CA3: variants seen among roughly 807,000 people sequenced by gnomAD.
CA3 encodes carbonic anhydrase 3, also known as CA-III.
A neutral mutation model predicts 35.7 loss-of-function variants in CA3; 30 were observed. That is an observed-to-expected ratio of 0.84 (90% CI 0.63 to 1.14). CA3 has a LOEUF of 1.14. Ranked by LOEUF, CA3 falls within the 50% of genes most tolerant of loss-of-function variation. The probability of loss-of-function intolerance (pLI) is 0.00; values close to 1 mark genes in which losing one functional copy is unlikely to be tolerated. For missense variants in CA3, 295 were observed against 328.5 expected, an observed-to-expected ratio of 0.90 and a Z score of 0.79; for synonymous variants, 131 against 130.8, an observed-to-expected ratio of 1.00 and a Z score of -0.01.
At chr8:85,446,977 A>C (rs1355748896) in intron 6 of CA3, among the ~76,000 whole-genome samples, 1 of 152,124 alleles carries the variant, frequency 6.6e-6, no homozygotes, top group Non-Finnish European at 1.5e-5. Flanking sequence ...CAACACAGGG[A>C]CTCACAACCT....
intron 6 of CA3, 134 bp downstream of exon 6, chr8:85,446,431 C>A: frequency 9.6e-7 from 1 of 1,039,030 alleles, no homozygotes; most frequent in South Asian, 2.0e-5. Context: ...CATGGTCTGC[C>A]CTGGTTAATT....
At chr8:85,439,955 C>CACATTTTGTCA in intron 2 of CA3, 46 bp downstream of exon 2, 1 of 1,467,454 alleles carries the variant, frequency 6.8e-7, no homozygotes, top group Non-Finnish European at 9.4e-7. Flanking sequence ...TTTCAAGGTC[C>CACATTTTGTCA]ATATTGACAA....
At chr8:85,447,538 T>TATTTAGCTATTTA (rs1285423857) in intron 6 of CA3, among the ~76,000 whole-genome samples, 2 of 152,244 alleles carry the variant, frequency 1.3e-5, no homozygotes, top group Non-Finnish European at 2.9e-5. Flanking sequence ...ACTCTAGAGC[T>TATTTAGCTATTTA]GCTAGCTAAA....
intron 6 of CA3, among the ~76,000 whole-genome samples, chr8:85,446,890 G>A (rs1322324350): frequency 1.3e-5 from 2 of 152,138 alleles, no homozygotes; most frequent in Non-Finnish European, 2.9e-5. Context: ...ATTCATTAAA[G>A]ACACTATCAA....
chr8:85,442,224 T>TCA (rs769864576), intron 3 of CA3, 33 bp downstream of exon 3: 2 of 1,136,552 alleles, frequency 1.8e-6, no homozygotes, highest in Non-Finnish European at 2.7e-6. Context: ...ATTCTCGGTC[T>TCA]CATACAGTGA....
At chr8:85,445,090 C>A in intron 4 of CA3, 66 bp from the exon 5 acceptor site, 1 of 1,059,138 alleles carries the variant, frequency 9.4e-7, no homozygotes, top group Non-Finnish European at 1.4e-6. Flanking sequence ...TCAAAATCAG[C>A]TTTGAAGACA....
chr8:85,439,634 T>G (rs569373535), intron 1 of CA3, 78 bp from the exon 2 acceptor site: 6 of 978,200 alleles, frequency 6.1e-6, no homozygotes, highest in Non-Finnish European at 9.4e-6. Flanking sequence ...CTCTCTGTAT[T>G]TTGCTGGTTT....
chr8:85,442,712 C>G (rs557211450), intron 3 of CA3, among the ~76,000 whole-genome samples: 2 of 151,514 alleles, frequency 1.3e-5, no homozygotes, highest in South Asian at 4.2e-4. Context: ...GACCCTGTCT[C>G]GAAAAAAGAA....
Position 85,448,158 on chromosome 8 carries a change from G to T in CA3, c.*5G>T. ...GTGAGAGCTTCCTTCAAATGAGGCT[G>T]CTGGATCTTGCCCTCTTCAGGAAAG... On this transcript the variant is annotated 3_prime_UTR_variant, in exon 7 of 7. Coordinates refer to ENST00000285381, the MANE Select transcript of CA3 (RefSeq NM_005181.4). The T allele has an allele frequency of 6.2e-7, 1 of 1,610,798 alleles. No individual in the cohort carries two copies. Among genetic ancestry groups the T allele is most frequent in the Non-Finnish European group, 8.5e-7 (1 of 1,178,512 alleles).
At chr8:85,446,350 T>A (rs1276408242) in intron 6 of CA3, 53 bp downstream of exon 6, 2 of 1,567,256 alleles carry the variant, frequency 1.3e-6, no homozygotes, top group African/African-American at 2.7e-5. Flanking sequence ...CTATGTAAGA[T>A]ACAGATGCTA....
At chr8:85,439,354 T>C (rs1378176538) in intron 1 of CA3, among the ~76,000 whole-genome samples, 1 of 152,116 alleles carries the variant, frequency 6.6e-6, no homozygotes, top group African/African-American at 2.4e-5. Context: ...CAAAGGAACA[T>C]GGGTGTGCTC....
intron 6 of CA3, among the ~76,000 whole-genome samples, chr8:85,446,560 T>TA (rs1454020456): frequency 6.6e-6 from 1 of 152,252 alleles, no homozygotes; most frequent in Non-Finnish European, 1.5e-5. Flanking sequence ...ATAAACACTT[T>TA]AAAGGGTTTA....
Position 85,445,214 on chromosome 8 carries a change from CA to C in CA3, c.506del (p.Lys169ArgfsTer43). The C allele has an allele frequency of 6.3e-7, 1 of 1,587,068 alleles. No homozygotes were observed. The highest frequency in any genetic ancestry group is 1.3e-5 in the African/African-American group (1 of 74,232). ...IFLDALDKIKTKGKEAPFTKF... is the reference protein window; with the variant it reads ...IFLDALDKIKXKGKEAPFTKF... Reference sequence around the variant, plus strand: ...CTTGATGCATTGGACAAGATTAAGACAAAGGTAAACAAAAATCATTTTCCCT... The same window carrying C: ...CTTGATGCATTGGACAAGATTAAGACAAGGTAAACAAAAATCATTTTCCCT... On this transcript the variant is annotated frameshift_variant, in exon 5 of 7. Transcript: ENST00000285381. LOFTEE classifies it high-confidence loss of function.
Position 85,444,141 on chromosome 8 carries a change from G to A in CA3, c.444+15G>A. 6.5e-7 allele frequency: 1 copy of A among 1,541,638 alleles called. No homozygotes were observed. Among genetic ancestry groups the A allele is most frequent in the Non-Finnish European group, 9.0e-7 (1 of 1,114,604 alleles). ...TTTTTCTGAAGGTAAAGTAAAAATT[G>A]ACTATATATTTTCTTCCAAAATGTA... On this transcript the variant is annotated intron_variant, in intron 4 of 6. Transcript: ENST00000285381.
Position 85,442,113 on chromosome 8 carries a change from CCA to C in CA3, c.274_275del (p.Gln92ValfsTer10). 1 of 1,609,198 alleles carries C rather than the reference CCA, an allele frequency of 6.2e-7. No individual in the cohort carries two copies. The highest frequency in any genetic ancestry group is 8.5e-7 in the Non-Finnish European group (1 of 1,175,510). On this transcript the variant is annotated frameshift_variant, in exon 3 of 7. Transcript: ENST00000285381. LOFTEE classifies it high-confidence loss of function. ...CTCTCCCTGGACCCTACCGACTTCGCCAGTTTCATCTTCACTGGGGCTCTTCG... is the reference window on the plus strand; with the variant it reads ...CTCTCCCTGGACCCTACCGACTTCGCGTTTCATCTTCACTGGGGCTCTTCG... ...GPLPGPYRLR[Q>X]FHLHWGSSDD... is the part of the protein sequence containing the mutation.
chr8:85,439,584 C>G (rs1585997356), intron 1 of CA3, 128 bp from the exon 2 acceptor site: 2 of 628,360 alleles, frequency 3.2e-6, no homozygotes, highest in East Asian at 2.7e-5. Context: ...TCTTATTGCC[C>G]AGTCTGAAAC....
At chr8:85,447,469 AC>A (rs1336706363) in intron 6 of CA3, among the ~76,000 whole-genome samples, 1 of 152,248 alleles carries the variant, frequency 6.6e-6, no homozygotes, top group Admixed American at 6.5e-5. Context: ...ACCAGAGGGC[AC>A]AGTGATCCTG....
Position 85,448,095 on chromosome 8 carries a change from G to A in CA3, c.725G>A (p.Ser242Asn). The A allele has an allele frequency of 6.2e-7, 1 of 1,613,780 alleles. No homozygotes were observed. The highest frequency in any genetic ancestry group is 8.5e-7 in the Non-Finnish European group (1 of 1,179,844). Reference protein sequence around the residue: ...AENEPPVPLVSNWRPPQPINN... With the variant: ...AENEPPVPLVNNWRPPQPINN... Reference sequence around the variant, plus strand: ...AACGAGCCCCCAGTGCCTCTTGTGAGCAACTGGCGACCTCCACAGCCTATC... The same window carrying A: ...AACGAGCCCCCAGTGCCTCTTGTGAACAACTGGCGACCTCCACAGCCTATC... The change falls in exon 7 of 7, where the codon AGC (serine) becomes AAC (asparagine). Residue 242 changes from serine (S) to asparagine (N), a missense_variant. Ser to Asn is a conservative substitution (Grantham distance 46, BLOSUM62 1). Coordinates refer to ENST00000285381, the MANE Select transcript of CA3 (RefSeq NM_005181.4).
At chr8:85,445,533 C>CACACAT (rs1554708004) in intron 5 of CA3, among the ~76,000 whole-genome samples, 12,493 of 141,542 alleles carry the variant, frequency 0.088, 2,219 homozygotes, top group African/African-American at 0.18. Flanking sequence ...CACACACACA[C>CACACAT]ACACACACAC....
Sources: allele counts gnomAD v4.1 joint callset (sites outside exome capture counted in the v4.1 genomes callset), GRCh38; gene constraint gnomAD v4.1.1; transcripts MANE v1.5; gene names NCBI Gene and HGNC (gene_info 2026-07-23, HGNC 2026-07-21).